Variants in BNIP3 observed in about 807,000 individuals in gnomAD.
The protein encoded by BNIP3 is BCL2 interacting protein 3, also known as BCL2/adenovirus E1B 19 kDa protein-interacting protein 3.
In BNIP3, 16 loss-of-function variants were observed where a neutral mutation model predicts 23.9. That is an observed-to-expected ratio of 0.67 (90% CI 0.45 to 1.01). The LOEUF (loss-of-function observed/expected upper bound fraction) is 1.01. Ranked by LOEUF, BNIP3 falls within the 50% of genes least tolerant of loss-of-function variation. The probability of loss-of-function intolerance (pLI) is 0.00; values close to 1 mark genes in which losing one functional copy is unlikely to be tolerated. For synonymous variants in BNIP3, 81 were observed against 89.3 expected, an observed-to-expected ratio of 0.91 and a Z score of 0.53; for missense variants, 198 against 248.7, an observed-to-expected ratio of 0.80 and a Z score of 1.37.
At chr10:131,971,274 C>A in intron 3 of BNIP3, 1 of 409,490 alleles carries the variant, frequency 2.4e-6, no homozygotes, top group South Asian at 2.3e-5. Flanking sequence ...GCGGCAAACA[C>A]TGTCCTAGGG....
chr10:131,981,351 T>C (rs1168500182), intron 1 of BNIP3: 5 of 254,050 alleles, frequency 2.0e-5, no homozygotes, highest in Non-Finnish European at 3.0e-5. Flanking sequence ...TTGCCACGCC[T>C]TGGTGTTTGG....
In BNIP3 at chr10:131,970,483, C is replaced by A. The variant is rs535442795; in HGVS notation, c.539+155G>T. ...TTTGGGGGCTGCAGGCTGGTGGTTT[C>A]TGGACCTGAACAGTGACTACGTGGG... On this transcript the variant is annotated intron_variant, in intron 5 of 5. Coordinates refer to ENST00000368636, the MANE Select transcript of BNIP3 (RefSeq NM_004052.4). This position sits in a 1 kb window ranked among gnomAD's most constrained non-coding sequence, Gnocchi z 4.1. The A allele has an allele frequency of 8.6e-5, 99 of 1,150,608 alleles. 2 individuals carry two copies. The South Asian group carries it at 1.3e-3, about 15-fold the overall frequency. 71.3% of individuals were successfully genotyped at this position (1,150,608 alleles called of 1,614,324 possible).
intron 1 of BNIP3, chr10:131,980,247 G>C (rs911986899): frequency 7.9e-5 from 12 of 152,228 alleles, no homozygotes; most frequent in African/African-American, 2.9e-4. Context: ...ATCCCAGCCG[G>C]ACAGTGAAAC....
intron 1 of BNIP3, 63 bp downstream of exon 1, chr10:131,981,698 T>TGGCCTCCCTC: frequency 6.9e-7 from 1 of 1,441,104 alleles, no homozygotes; most frequent in Non-Finnish European, 9.1e-7. Flanking sequence ...TGGCGCCCTC[T>TGGCCTCCCTC]TGGCCTTCCC....
At chr10:131,980,383 T>C (rs1300593289) in intron 1 of BNIP3, 2 of 152,176 alleles carry the variant, frequency 1.3e-5, no homozygotes, top group Admixed American at 1.3e-4. Context: ...CTTAATCTAT[T>C]TCAAAATAGT....
rs1337644548 is a variant in BNIP3, at chr10:131,973,033, C to T, written c.282+1G>A. 3 of 1,612,052 alleles carry T rather than the reference C, an allele frequency of 1.9e-6. No homozygotes were observed. The highest frequency in any genetic ancestry group is 1.7e-6 in the Non-Finnish European group (2 of 1,178,098). On this transcript the variant is annotated splice_donor_variant, in intron 3 of 5. Coordinates refer to ENST00000368636, the MANE Select transcript of BNIP3 (RefSeq NM_004052.4). LOFTEE classifies it high-confidence loss of function. ...AACTGCACATTCTCCTTCCAGCTTA[C>T]CTGTGAGCTGTTTTTCTCTCCAATG...
At chr10:131,975,219 C>A (rs769444454) in intron 1 of BNIP3, among the ~76,000 whole-genome samples, 1 of 152,252 alleles carries the variant, frequency 6.6e-6, no homozygotes, top group Non-Finnish European at 1.5e-5. Flanking sequence ...CAGCTCCCGC[C>A]TCACTCTGCG....
intron 3 of BNIP3, among the ~76,000 whole-genome samples, chr10:131,972,148 G>A (rs908921670): frequency 5.3e-5 from 8 of 152,152 alleles, no homozygotes; most frequent in Non-Finnish European, 7.4e-5. Context: ...AAGGGAGAAC[G>A]ATAGTACACC....
chr10:131,968,778 C>T (rs150817193), intron 5 of BNIP3: 31 of 470,204 alleles, frequency 6.6e-5, no homozygotes, highest in African/African-American at 5.3e-4. Context: ...ACTTAGAAAA[C>T]ATCAGATCGT....
At chr10:131,972,161 G>T (rs1468052673) in intron 3 of BNIP3, among the ~76,000 whole-genome samples, 1 of 152,152 alleles carries the variant, frequency 6.6e-6, no homozygotes, top group Non-Finnish European at 1.5e-5. Context: ...AGTACACCAA[G>T]GCAATAACCC....
intron 3 of BNIP3, 23 bp downstream of exon 3, chr10:131,973,011 T>C (rs1330487369): frequency 1.3e-6 from 2 of 1,597,780 alleles, no homozygotes; most frequent in East Asian, 4.5e-5. Flanking sequence ...CTTTTACAAC[T>C]GCACATTCTC....
chr10:131,977,135 G>C (rs536537836), intron 1 of BNIP3, among the ~76,000 whole-genome samples: 21 of 152,222 alleles, frequency 1.4e-4, no homozygotes, highest in East Asian at 1.9e-4. Context: ...AGCTGGGCGT[G>C]GTGGGCGCCT....
chr10:131,968,578 A>C lies in BNIP3; in HGVS notation c.540-9T>G, dbSNP rs905608017. Reference sequence around the variant, plus strand: ...GCCTTCCAATATAGATCCTTCACAGAAAAATTATCAGTAGTTAATGTATCT... The same window carrying C: ...GCCTTCCAATATAGATCCTTCACAGCAAAATTATCAGTAGTTAATGTATCT... On this transcript the variant is annotated splice_polypyrimidine_tract_variant and intron_variant, in intron 5 of 5. Coordinates refer to ENST00000368636, the MANE Select transcript of BNIP3 (RefSeq NM_004052.4). The C allele has an allele frequency of 1.3e-6, 2 of 1,589,698 alleles. No homozygotes were observed. The highest frequency in any genetic ancestry group is 1.3e-5 in the African/African-American group (1 of 74,352).
intron 1 of BNIP3, among the ~76,000 whole-genome samples, chr10:131,979,673 A>G (rs1485369867): frequency 6.6e-6 from 1 of 151,976 alleles, no homozygotes; most frequent in Admixed American, 6.6e-5. Flanking sequence ...CTGGGCTTGT[A>G]AAAAAAAGGA....
rs2037080897 is a variant in BNIP3, at chr10:131,976,827, C to T, written c.47-2884G>A. ...GTATTAGCAGTGTATTCTGAAGGGG[C>T]TCCTTACAACTTACACCAAAAATGG... On this transcript the variant is annotated intron_variant, in intron 1 of 5. Transcript: ENST00000368636. This position sits in a 1 kb window ranked among gnomAD's most constrained non-coding sequence, Gnocchi z 4.3. Among the ~76,000 whole-genome samples, 1 of 152,102 alleles carries T rather than the reference C, an allele frequency of 6.6e-6. No individual in the cohort carries two copies. The highest frequency in any genetic ancestry group is 2.4e-5 in the African/African-American group (1 of 41,416).
In BNIP3 at chr10:131,973,133, T is replaced by G; in HGVS notation, c.198-15A>C. On this transcript the variant is annotated splice_polypyrimidine_tract_variant and intron_variant, in intron 2 of 5. Coordinates refer to ENST00000368636, the MANE Select transcript of BNIP3 (RefSeq NM_004052.4). ...AGCGAGGTGGGCTTGGCGATGTGAA[T>G]AGAATGGGAAAAACAGAACATCATG... is the stretch of plus-strand genomic sequence containing the variant. The G allele has an allele frequency of 1.2e-6, 2 of 1,611,674 alleles. No individual in the cohort carries two copies.
chr10:131,981,697 CT>C (rs1236939387), intron 1 of BNIP3, 63 bp downstream of exon 1: 8 of 1,143,356 alleles, frequency 7.0e-6, no homozygotes, highest in Non-Finnish European at 7.1e-6. Flanking sequence ...TTGGCGCCCT[CT>C]TGGCCTTCCC....
intron 5 of BNIP3, chr10:131,968,864 T>C: frequency 3.7e-6 from 1 of 271,312 alleles, no homozygotes; most frequent in Non-Finnish European, 7.3e-6. Flanking sequence ...AACTCAGTGC[T>C]GGGGGAAGTC....
chr10:131,979,131 C>T (rs963424970), intron 1 of BNIP3, among the ~76,000 whole-genome samples: 8 of 152,338 alleles, frequency 5.3e-5, no homozygotes, highest in African/African-American at 1.9e-4. Context: ...TATCCCACTG[C>T]TGCCTCATGC....
Sources: allele counts gnomAD v4.1 joint callset (sites outside exome capture counted in the v4.1 genomes callset), GRCh38; gene constraint gnomAD v4.1.1; non-coding constraint Gnocchi (gnomAD v3.1); transcripts MANE v1.5; gene names NCBI Gene and HGNC (gene_info 2026-07-23, HGNC 2026-07-21).